Variants in ATL2 observed in about 807,000 individuals in gnomAD.
ATL2 encodes the protein atlastin GTPase 2, also known as atlastin-2.
ATL2 carries 31 observed loss-of-function variants against 73.9 expected under a neutral mutation model. The observed-to-expected ratio is 0.42, with a 90% CI of 0.32 to 0.57. The LOEUF is 0.57. Ranked by LOEUF, ATL2 falls within the 20% of genes least tolerant of loss-of-function variation. The probability of loss-of-function intolerance (pLI) is 0.14; values close to 1 mark genes in which losing one functional copy is unlikely to be tolerated. For synonymous variants in ATL2, 291 were observed against 237.5 expected (o/e 1.23, Z -2.07); for missense variants, 738 against 702.6 (o/e 1.05, Z -0.57).
intron 1 of ATL2, among the ~76,000 whole-genome samples, chr2:38,359,836 T>C (rs1670900545): frequency 6.6e-6 from 1 of 151,898 alleles, no homozygotes; most frequent in Admixed American, 6.6e-5. Context: ...TTAAAAAAAA[T>C]ACTAAAGTTG....
intron 2 of ATL2, among the ~76,000 whole-genome samples, chr2:38,337,486 C>CAAAAAAAA (rs755029194): frequency 0.013 from 277 of 21,680 alleles, 49 homozygotes; most frequent in Non-Finnish European, 0.019. Flanking sequence ...ACTCTGTCTC[C>CAAAAAAAA]AAAAAAAAAA....
At chr2:38,359,334 G>A (rs980802149) in intron 1 of ATL2, among the ~76,000 whole-genome samples, 3 of 152,018 alleles carry the variant, frequency 2.0e-5, no homozygotes, top group Admixed American at 6.6e-5. Flanking sequence ...GCCAGGCGTG[G>A]TGCCACACGC....
chr2:38,328,663 T>C lies in ATL2; in HGVS notation c.364-9644A>G, dbSNP rs143999906. Among the ~76,000 whole-genome samples, 1,012 of 152,210 alleles carry C rather than the reference T, an allele frequency of 6.6e-3. 4 individuals are homozygous for C. The highest frequency in any genetic ancestry group is 0.01 in the Non-Finnish European group (692 of 67,998). The stretch of plus-strand genomic sequence containing the variant: ...TGAAAATACTACCTATTAAAATATA[T>C]GAAATGCAGCAAAAACCATGATTAC... On this transcript the variant is annotated intron_variant, in intron 2 of 12. Coordinates refer to ENST00000378954, the MANE Select transcript of ATL2 (RefSeq NM_001135673.4).
At chr2:38,358,617 A>G (rs28417406) in intron 1 of ATL2, 20,007 of 253,262 alleles carry the variant, frequency 0.079, 3,360 homozygotes, top group African/African-American at 0.39. Context: ...GCGTGGACCC[A>G]AGAGGCGGAG....
intron 7 of ATL2, among the ~76,000 whole-genome samples, chr2:38,311,151 T>A (rs1174993620): frequency 6.6e-6 from 1 of 151,002 alleles, no homozygotes; most frequent in Non-Finnish European, 1.5e-5. Flanking sequence ...TGCCTACAAA[T>A]AAAAAGTTTA....
chr2:38,354,309 A>C (rs1670536715), intron 1 of ATL2: 1 of 252,646 alleles, frequency 4.0e-6, no homozygotes, highest in African/African-American at 2.4e-5. Context: ...ATTGATCTGA[A>C]TCCAAAATAG....
chr2:38,347,241 G>C (rs1053362210), intron 1 of ATL2, among the ~76,000 whole-genome samples: 1 of 152,158 alleles, frequency 6.6e-6, no homozygotes, highest in African/African-American at 2.4e-5. Flanking sequence ...ATAGCAGAGG[G>C]CCTTATAAAG....
chr2:38,307,795 C>T (rs1035595305), intron 9 of ATL2, among the ~76,000 whole-genome samples: 1 of 151,892 alleles, frequency 6.6e-6, no homozygotes, highest in Non-Finnish European at 1.5e-5. Context: ...GATCAAAAAA[C>T]GGGCAAAAGA....
chr2:38,356,484 C>A lies in ATL2; in HGVS notation c.119-12972G>T, dbSNP rs10208506. 1.5e-4 allele frequency among the ~76,000 whole-genome samples: 23 copies of A among 152,064 alleles called. No individual in the cohort carries two copies. In the East Asian group the frequency reaches 4.4e-3, roughly 29 times the overall value. On this transcript the variant is annotated intron_variant, in intron 1 of 12. Coordinates refer to ENST00000378954, the MANE Select transcript of ATL2 (RefSeq NM_001135673.4). ...CTGGGATTACAGGCATGAGCCACCACGCCTGGCCCATTATTACTTTACATA... is the reference window on the plus strand; with the variant it reads ...CTGGGATTACAGGCATGAGCCACCAAGCCTGGCCCATTATTACTTTACATA...
chr2:38,349,204 C>A (rs2124429919), intron 1 of ATL2, among the ~76,000 whole-genome samples: 1 of 152,126 alleles, frequency 6.6e-6, no homozygotes, highest in South Asian at 2.1e-4. Context: ...AATCATGCTG[C>A]TATAAAGACA....
At chr2:38,344,624 A>C (rs764290307) in intron 1 of ATL2, among the ~76,000 whole-genome samples, 50 of 152,152 alleles carry the variant, frequency 3.3e-4, no homozygotes, top group African/African-American at 9.7e-4. Flanking sequence ...AACAAACAAA[A>C]AAAAATTATT....
chr2:38,366,611 T>C (rs1282070766), intron 1 of ATL2, among the ~76,000 whole-genome samples: 6 of 152,236 alleles, frequency 3.9e-5, no homozygotes, highest in Non-Finnish European at 7.3e-5. Flanking sequence ...CCCTCTTCCA[T>C]GAAGTATTCC....
At position 38,370,150 on chromosome 2, in the gene ATL2, CAAAAAAAAAA is replaced by C. The variant is rs962952444; in HGVS notation, c.118+6983_118+6992del. Among the ~76,000 whole-genome samples, 39 of 43,926 alleles carry C rather than the reference CAAAAAAAAAA, an allele frequency of 8.9e-4. No homozygotes were observed. In the East Asian group the frequency reaches 0.01, roughly 11 times the overall value. The allele number at this position is 43,926 out of a possible 152,430, so 28.8% of individuals were successfully genotyped here. ...AACCTGGGCGACAGCGAGACTCCGT[CAAAAAAAAAA>C]AAAAAAAAAAAGAAAGAAAATCAAG... On this transcript the variant is annotated intron_variant, in intron 1 of 12. Transcript: ENST00000378954.
At chr2:38,375,502 A>C (rs560371821) in intron 1 of ATL2, among the ~76,000 whole-genome samples, 55 of 152,332 alleles carry the variant, frequency 3.6e-4, no homozygotes, top group African/African-American at 1.3e-3. Context: ...TCTGAAGAGT[A>C]TCATCTCTTC....
At chr2:38,341,043 C>G (rs1669685547) in intron 2 of ATL2, among the ~76,000 whole-genome samples, 1 of 152,282 alleles carries the variant, frequency 6.6e-6, no homozygotes, top group East Asian at 1.9e-4. Flanking sequence ...ACTAACTGAT[C>G]AGAGATGGAA....
chr2:38,298,126 C>CAA lies in ATL2; in HGVS notation c.1632+16_1632+17dup. 4 of 1,576,018 alleles carry CAA rather than the reference C, an allele frequency of 2.5e-6. No individual in the cohort carries two copies. The highest frequency in any genetic ancestry group is 3.4e-6 in the Non-Finnish European group (4 of 1,161,164). On this transcript the variant is annotated intron_variant, in intron 12 of 12. Coordinates refer to ENST00000378954, the MANE Select transcript of ATL2 (RefSeq NM_001135673.4). ...AAAATAAGATTAGTCACTAAAAAACCAAAAGATAGATACCAACCTGTTCCC... is the reference window on the plus strand; with the variant it reads ...AAAATAAGATTAGTCACTAAAAAACCAAAAAAGATAGATACCAACCTGTTCCC...
intron 2 of ATL2, among the ~76,000 whole-genome samples, chr2:38,325,657 C>T (rs1668569993): frequency 5.5e-5 from 2 of 36,366 alleles, no homozygotes; most frequent in African/African-American, 1.7e-4. Flanking sequence ...CACACACACA[C>T]CAGTACACAC....
At chr2:38,349,625 C>A (rs112258354) in intron 1 of ATL2, among the ~76,000 whole-genome samples, 16,555 of 150,618 alleles carry the variant, frequency 0.11, 2,724 homozygotes, top group African/African-American at 0.36. Context: ...ATACATATGT[C>A]ACTAACCTGC....
At position 38,334,448 on chromosome 2, in the gene ATL2, T is replaced by A. The variant is rs190661379; in HGVS notation, c.363+8820A>T. Among the ~76,000 whole-genome samples, 18 of 150,702 alleles carry A rather than the reference T, an allele frequency of 1.2e-4. 1 individual carries two copies. Among genetic ancestry groups the A allele is most frequent in the Admixed American group, 5.3e-4 (8 of 15,096 alleles). ...CGGGCACGGTGGCTCACACCTGTAA[T>A]CCCAGCACTTTGGGAGGCTGAGGTG... On this transcript the variant is annotated intron_variant, in intron 2 of 12. Transcript: ENST00000378954.
Sources: allele counts gnomAD v4.1 joint callset (sites outside exome capture counted in the v4.1 genomes callset), GRCh38; gene constraint gnomAD v4.1.1; transcripts MANE v1.5; gene names NCBI Gene and HGNC (gene_info 2026-07-23, HGNC 2026-07-21).